The following RGS21 variants were observed in gnomAD, a reference collection of about 807,000 sequenced individuals.
RGS21 encodes the protein regulator of G-protein signalling 21.
In RGS21, 19 loss-of-function variants were observed where a neutral mutation model predicts 18.7. The observed-to-expected ratio is 1.01, with a 90% confidence interval of 0.71 to 1.49. RGS21 has a LOEUF of 1.49. RGS21 is among the 40% of genes most tolerant of loss of function. The pLI is 0.00. For synonymous variants in RGS21, 56 were observed against 57.8 expected (o/e 0.97, Z 0.14); for missense variants, 194 against 176.8 (o/e 1.10, Z -0.55).
At chr1:192,324,398 G>A (rs1019732303) in intron 1 of RGS21, among the ~76,000 whole-genome samples, 1 of 152,050 alleles carries the variant, frequency 6.6e-6, no homozygotes, top group African/African-American at 2.4e-5. Flanking sequence ...AGCAAGATAA[G>A]GCATTAGCAG....
rs574950705 is a variant in RGS21 at position 192,332,577 on chromosome 1, C to G, written c.-60-10400C>G. The stretch of plus-strand genomic sequence containing the variant: ...GTCATTAGACATGACATCAAGAGCA[C>G]AATTCATAAAAGAAACAACAATAAA... On this transcript the variant is annotated intron_variant, in intron 1 of 4. Transcript: ENST00000417209. Among the ~76,000 whole-genome samples the G allele has an allele frequency of 2.6e-5, 4 of 152,166 alleles. No homozygotes were observed. In the South Asian group the frequency reaches 8.3e-4, roughly 32 times the overall value.
chr1:192,325,950 A>G (rs1478113474), intron 1 of RGS21, among the ~76,000 whole-genome samples: 3 of 152,106 alleles, frequency 2.0e-5, no homozygotes, highest in Admixed American at 6.6e-5. Context: ...CAGAAAGAAT[A>G]TGGATCTGTA....
intron 1 of RGS21, among the ~76,000 whole-genome samples, chr1:192,333,628 CA>C (rs376989840): frequency 5.7e-3 from 584 of 102,296 alleles, no homozygotes; most frequent in African/African-American, 0.013. Context: ...CTCAAAATGA[CA>C]AAAAAAAAAA....
chr1:192,364,793 A>T (rs145279642), intron 4 of RGS21, among the ~76,000 whole-genome samples: 1 of 152,114 alleles, frequency 6.6e-6, no homozygotes, highest in Non-Finnish European at 1.5e-5. Context: ...GATGAATAAG[A>T]CAGATACAGA....
chr1:192,329,824 C>A (rs190588889), intron 1 of RGS21, among the ~76,000 whole-genome samples: 168 of 152,104 alleles, frequency 1.1e-3, no homozygotes, highest in African/African-American at 3.8e-3. Context: ...AATAGATATT[C>A]TTTGCCTTTT....
chr1:192,338,714 G>A (rs150267249), intron 1 of RGS21, among the ~76,000 whole-genome samples: 157 of 151,906 alleles, frequency 1.0e-3, no homozygotes, highest in African/African-American at 3.6e-3. Flanking sequence ...CTTTTCTCTG[G>A]CTTATTGCAT....
intron 4 of RGS21, among the ~76,000 whole-genome samples, chr1:192,365,581 T>C: frequency 6.6e-6 from 1 of 152,154 alleles, no homozygotes; most frequent in Non-Finnish European, 1.5e-5. Context: ...GAAAATTACA[T>C]TTTAAGTACT....
At chr1:192,364,224 C>A (rs1659224118) in intron 4 of RGS21, among the ~76,000 whole-genome samples, 2 of 151,990 alleles carry the variant, frequency 1.3e-5, no homozygotes, top group South Asian at 2.1e-4. Context: ...GATTTTCAGG[C>A]CTTTAAGATT....
At chr1:192,352,981 G>T in intron 4 of RGS21, among the ~76,000 whole-genome samples, 1 of 151,972 alleles carries the variant, frequency 6.6e-6, no homozygotes. Flanking sequence ...TAAACAAAGA[G>T]CGTTAATGTA....
chr1:192,347,253 A>T lies in RGS21; in HGVS notation c.12-60A>T. On this transcript the variant is annotated intron_variant, in intron 2 of 4. Coordinates refer to ENST00000417209, the MANE Select transcript of RGS21 (RefSeq NM_001039152.3). ...GAATGATGTAACTCAAAATACATGT[A>T]ACTCGAATATTACTATTGGTTAAAG... 3 of 1,006,528 alleles carry T rather than the reference A, an allele frequency of 3.0e-6. No individual in the cohort carries two copies. In the Admixed American group the frequency reaches 5.2e-5, roughly 18 times the overall value. 62.3% of individuals were successfully genotyped at this position (1,006,528 alleles called of 1,614,324 possible).
At chr1:192,326,045 C>T (rs961576889) in intron 1 of RGS21, among the ~76,000 whole-genome samples, 9 of 151,868 alleles carry the variant, frequency 5.9e-5, no homozygotes, top group East Asian at 1.9e-4. Flanking sequence ...GGCTCTTCTG[C>T]GACTCATAAT....
chr1:192,346,254 T>G (rs538342948), intron 2 of RGS21, among the ~76,000 whole-genome samples: 1 of 152,162 alleles, frequency 6.6e-6, no homozygotes, highest in Non-Finnish European at 1.5e-5. Context: ...CAATCAATCC[T>G]AGCAAAAACT....
chr1:192,333,628 C>CAAAAAA (rs376989840), intron 1 of RGS21, among the ~76,000 whole-genome samples: 32 of 102,392 alleles, frequency 3.1e-4, no homozygotes, highest in Non-Finnish European at 4.0e-4. Flanking sequence ...CTCAAAATGA[C>CAAAAAA]AAAAAAAAAA....
At chr1:192,356,638 G>T (rs1659116108) in intron 4 of RGS21, among the ~76,000 whole-genome samples, 1 of 151,708 alleles carries the variant, frequency 6.6e-6, no homozygotes, top group Non-Finnish European at 1.5e-5. Context: ...AGTCTTGGGG[G>T]AAGAAACAGA....
At chr1:192,337,267 C>G (rs915652715) in intron 1 of RGS21, among the ~76,000 whole-genome samples, 2 of 152,074 alleles carry the variant, frequency 1.3e-5, no homozygotes, top group East Asian at 3.9e-4. Flanking sequence ...TCATTCCTCT[C>G]AGTATGTCAA....
intron 3 of RGS21, among the ~76,000 whole-genome samples, chr1:192,350,795 A>G (rs1659029979): frequency 6.6e-6 from 1 of 152,184 alleles, no homozygotes; most frequent in Admixed American, 6.6e-5. Context: ...AACTAGAGGC[A>G]CTTACCTTCT....
At chr1:192,360,702 A>C (rs1659176504) in intron 4 of RGS21, among the ~76,000 whole-genome samples, 1 of 152,288 alleles carries the variant, frequency 6.6e-6, no homozygotes, top group South Asian at 2.1e-4. Context: ...AATGTCCTAC[A>C]TGATTTGGCA....
At chr1:192,349,930 C>T (rs1343806700) in intron 3 of RGS21, among the ~76,000 whole-genome samples, 1 of 152,114 alleles carries the variant, frequency 6.6e-6, no homozygotes, top group Non-Finnish European at 1.5e-5. Context: ...CATGAATCTA[C>T]AATATTCTTT....
In RGS21 at chr1:192,329,021, G is replaced by A. The variant is rs1014054916; in HGVS notation, c.-61+11916G>A. Among the ~76,000 whole-genome samples the A allele has an allele frequency of 2.6e-5, 4 of 152,128 alleles. No individual in the cohort carries two copies. In the South Asian group the frequency reaches 8.3e-4, roughly 32 times the overall value. On this transcript the variant is annotated intron_variant, in intron 1 of 4. Coordinates refer to ENST00000417209, the MANE Select transcript of RGS21 (RefSeq NM_001039152.3). The stretch of plus-strand genomic sequence containing the variant: ...TCATAGATCAACTTTACAATCCCAT[G>A]AGAATTTTTTTTCTTTTTAAATGAC...
Sources: allele counts gnomAD v4.1 joint callset (sites outside exome capture counted in the v4.1 genomes callset), GRCh38; gene constraint gnomAD v4.1.1; transcripts MANE v1.5; gene names NCBI Gene and HGNC (gene_info 2026-07-23, HGNC 2026-07-21).